Variants in APBB1IP observed in about 807,000 individuals in gnomAD.
APBB1IP encodes amyloid beta precursor protein binding family B member 1 interacting protein.
In APBB1IP, 27 loss-of-function variants were observed where a neutral mutation model predicts 64.9. The ratio of observed to expected loss-of-function variants is 0.42; its 90% CI spans 0.31 to 0.57. The LOEUF (loss-of-function observed/expected upper bound fraction) is 0.57, where lower values mean the gene tolerates loss of function less well. APBB1IP is among the 20% of genes least tolerant of loss of function. The pLI is 0.20. For synonymous variants in APBB1IP, 392 were observed against 331.0 expected (o/e 1.18, Z -2.00); for missense variants, 812 against 845.5 (o/e 0.96, Z 0.49).
At chr10:26,509,755 G>A (rs183499829) in intron 6 of APBB1IP, 1 of 152,208 alleles carries the variant, frequency 6.6e-6, no homozygotes, top group African/African-American at 2.4e-5. Flanking sequence ...CAAATTTATG[G>A]TTTCTCTCTC....
chr10:26,536,252 A>C, intron 10 of APBB1IP, 35 bp downstream of exon 10: 1 of 1,549,288 alleles, frequency 6.5e-7, no homozygotes, highest in Non-Finnish European at 8.6e-7. Flanking sequence ...CTTAGCAATA[A>C]AGCATTTCAT....
intron 2 of APBB1IP, among the ~76,000 whole-genome samples, chr10:26,476,460 A>AG (rs1835777117): frequency 6.7e-6 from 1 of 150,364 alleles, no homozygotes; most frequent in African/African-American, 2.5e-5. Flanking sequence ...AAAAAAAAAA[A>AG]AAAAAGAAGA....
chr10:26,562,041 C>T (rs1836979142), intron 13 of APBB1IP: 1 of 293,628 alleles, frequency 3.4e-6, no homozygotes, highest in Non-Finnish European at 6.6e-6. Flanking sequence ...AGACCCTCCT[C>T]AGTGGGCTTT....
At chr10:26,494,243 A>C (rs1046835378) in intron 3 of APBB1IP, among the ~76,000 whole-genome samples, 8 of 152,236 alleles carry the variant, frequency 5.3e-5, no homozygotes, top group African/African-American at 1.9e-4. Context: ...CTCAGAGGTC[A>C]CTGAGCCCCA....
At chr10:26,492,625 G>GCA (rs1287048468) in intron 3 of APBB1IP, among the ~76,000 whole-genome samples, 1 of 152,130 alleles carries the variant, frequency 6.6e-6, no homozygotes, top group Non-Finnish European at 1.5e-5. Flanking sequence ...TCCAGGGGAG[G>GCA]CATCACATGT....
intron 2 of APBB1IP, among the ~76,000 whole-genome samples, chr10:26,451,403 A>G (rs1835464483): frequency 6.6e-6 from 1 of 152,144 alleles, no homozygotes; most frequent in Non-Finnish European, 1.5e-5. Flanking sequence ...GTTGCTTCCT[A>G]ATTAAGAATG....
intron 6 of APBB1IP, among the ~76,000 whole-genome samples, chr10:26,510,770 ACACAC>A (rs1182781286): frequency 1.1e-4 from 16 of 151,770 alleles, no homozygotes; most frequent in South Asian, 4.2e-4. Flanking sequence ...ACACACACAC[ACACAC>A]AAATGAAAAT....
rs750345621 is a variant in APBB1IP at position 26,536,220 on chromosome 10, C to CAA, written c.1044+4_1044+5insAA. On this transcript the variant is annotated splice_donor_region_variant and intron_variant, in intron 10 of 14. Coordinates refer to ENST00000376236, the MANE Select transcript of APBB1IP (RefSeq NM_019043.4). ...ATGTACCCAAAGGAAAGACTAAGGTCAGAAAAAAAAAAAAAAAAGCACTTA... is the reference window on the plus strand; with the variant it reads ...ATGTACCCAAAGGAAAGACTAAGGTCAAAGAAAAAAAAAAAAAAAAGCACTTA... 5 of 1,160,138 alleles carry CAA rather than the reference C, an allele frequency of 4.3e-6. No homozygotes were observed. The highest frequency in any genetic ancestry group is 2.4e-5 in the African/African-American group (1 of 40,910). 71.9% of individuals were successfully genotyped at this position (1,160,138 alleles called of 1,614,324 possible).
intron 2 of APBB1IP, among the ~76,000 whole-genome samples, chr10:26,480,819 C>G (rs1835826585): frequency 6.6e-6 from 1 of 151,758 alleles, no homozygotes; most frequent in Admixed American, 6.6e-5. Context: ...AACAAAAGTC[C>G]AGTTGAGATA....
At position 26,567,362 on chromosome 10, in the gene APBB1IP, G is replaced by C. The variant is rs749399600; in HGVS notation, c.1875G>C (p.Lys625Asn). ...CCAGGCCGCCCCCCGCGGTGGCCAA[G>C]AGGCCTCCTGTGCCCCCCAAGAGGC... ...DSARPPPAVA[K>N]RPPVPPKRQE... Residue 625 changes from lysine (K) to asparagine (N), a missense_variant, in exon 15 of 15, where the codon AAG (lysine) becomes AAC (asparagine). Physicochemically the swap from Lys to Asn is moderately conservative, Grantham distance 94. Around this residue, in one of 3 missense-constraint regions of APBB1IP, gnomAD observed 381 missense variants for 352.1 expected, o/e 1.08. Coordinates refer to ENST00000376236, the MANE Select transcript of APBB1IP (RefSeq NM_019043.4). 1 of 1,536,654 alleles carries C rather than the reference G, an allele frequency of 6.5e-7. No individual in the cohort carries two copies. The highest frequency in any genetic ancestry group is 1.2e-5 in the South Asian group (1 of 86,380).
chr10:26,525,406 G>A (rs78851137), intron 8 of APBB1IP, among the ~76,000 whole-genome samples: 1,755 of 152,258 alleles, frequency 0.012, 34 homozygotes, highest in Admixed American at 0.043. Context: ...ATGAATTTGT[G>A]TTGCTTTTCT....
intron 14 of APBB1IP, 38 bp downstream of exon 14, chr10:26,562,467 T>G (rs200645225): frequency 6.5e-7 from 1 of 1,533,742 alleles, no homozygotes; most frequent in East Asian, 2.3e-5. Flanking sequence ...TAAGCCATGT[T>G]CTAAACCATT....
Position 26,567,278 on chromosome 10 carries a change from G to T in APBB1IP, c.1791G>T (p.Glu597Asp). 8.7e-7 allele frequency: 1 copy of T among 1,153,924 alleles called. No individual in the cohort carries two copies. 71.5% of individuals were successfully genotyped at this position (1,153,924 alleles called of 1,614,324 possible). The change falls in exon 15 of 15, where the codon GAG becomes GAT. Residue 597 changes from glutamate (E) to aspartate (D), a missense_variant. Around this residue, in one of 3 missense-constraint regions of APBB1IP, gnomAD observed 381 missense variants for 352.1 expected, o/e 1.08. Transcript: ENST00000376236. Reference protein sequence around the residue: ...PPSYAGIAGSELPPPPPPPPA... With the variant: ...PPSYAGIAGSDLPPPPPPPPA... Reference sequence around the variant, plus strand: ...CGTACGCAGGGATCGCGGGCTCAGAGCTGCCCCCGCCGCCGCCGCCGCCGC... The same window carrying T: ...CGTACGCAGGGATCGCGGGCTCAGATCTGCCCCCGCCGCCGCCGCCGCCGC...
intron 2 of APBB1IP, among the ~76,000 whole-genome samples, chr10:26,455,896 C>A (rs1835519502): frequency 6.6e-6 from 1 of 152,132 alleles, no homozygotes; most frequent in Non-Finnish European, 1.5e-5. Context: ...AAAATGGAAA[C>A]AACCCAAATG....
chr10:26,559,550 A>T (rs1836939910), intron 11 of APBB1IP, among the ~76,000 whole-genome samples: 1 of 152,090 alleles, frequency 6.6e-6, no homozygotes, highest in Non-Finnish European at 1.5e-5. Context: ...TCCAGCCAGG[A>T]CAACTCTGCC....
At chr10:26,460,577 A>G (rs146850400) in intron 2 of APBB1IP, among the ~76,000 whole-genome samples, 2 of 152,318 alleles carry the variant, frequency 1.3e-5, no homozygotes, top group African/African-American at 4.8e-5. Flanking sequence ...TAGACTGAAT[A>G]AAGAAAATAT....
chr10:26,531,082 GT>G (rs1463609062), intron 8 of APBB1IP, among the ~76,000 whole-genome samples: 1 of 152,178 alleles, frequency 6.6e-6, no homozygotes, highest in East Asian at 1.9e-4. Context: ...GCCAGGCGTG[GT>G]GGTTTATGCC....
chr10:26,547,813 A>G (rs1210639734), intron 11 of APBB1IP, among the ~76,000 whole-genome samples: 1 of 152,226 alleles, frequency 6.6e-6, no homozygotes, highest in Middle Eastern at 3.2e-3. Context: ...ATAGGGGTCA[A>G]GTTACACGCT....
At chr10:26,516,695 A>ATTCTTCTTCT in intron 8 of APBB1IP, among the ~76,000 whole-genome samples, 1 of 152,114 alleles carries the variant, frequency 6.6e-6, no homozygotes, top group Non-Finnish European at 1.5e-5. Flanking sequence ...ACTTCACAGA[A>ATTCTTCTTCT]GATAAGATGA....
Sources: gnomAD v4.1 joint callset for allele counts (sites outside exome capture counted in the v4.1 genomes callset) on GRCh38, gnomAD v4.1.1 for gene constraint, gnomAD v4.1.1 regional missense constraint, MANE v1.5 for transcripts, NCBI Gene and HGNC (gene_info 2026-07-23, HGNC 2026-07-21) for gene names.